CMIP: variants seen among roughly 807,000 people sequenced by gnomAD.
CMIP encodes C-Maf-inducing protein.
In CMIP, 13 loss-of-function variants were observed where a neutral mutation model predicts 97.3. The ratio of observed to expected loss-of-function variants is 0.13; its 90% CI spans 0.09 to 0.21. The LOEUF (loss-of-function observed/expected upper bound fraction) is 0.21, where lower values mean the gene tolerates loss of function less well. Among genes scored for constraint, CMIP ranks in the 10% least tolerant of loss-of-function variants. The probability of loss-of-function intolerance (pLI) is 1.00; values close to 1 mark genes in which losing one functional copy is unlikely to be tolerated. For missense variants in CMIP, 847 were observed against 1,024.9 expected (o/e 0.83, Z 2.37); for synonymous variants, 538 against 436.3 (o/e 1.23, Z -2.91).
intron 13 of CMIP, among the ~76,000 whole-genome samples, chr16:81,694,333 CAGA>C (rs1164578022): frequency 6.6e-6 from 1 of 152,164 alleles, no homozygotes; most frequent in African/African-American, 2.4e-5. Flanking sequence ...GTGCTCCCGG[CAGA>C]ACAGGGGGAA....
chr16:81,504,218 T>C (rs2089663073), intron 1 of CMIP, among the ~76,000 whole-genome samples: 1 of 151,428 alleles, frequency 6.6e-6, no homozygotes, highest in Non-Finnish European at 1.5e-5. Context: ...CCCAAGTACT[T>C]GGGAGGCTGA....
At chr16:81,658,437 T>C (rs1597207854) in intron 5 of CMIP, among the ~76,000 whole-genome samples, 1 of 152,200 alleles carries the variant, frequency 6.6e-6, no homozygotes, top group African/African-American at 2.4e-5. Flanking sequence ...TCATCATCTA[T>C]TGTAGGAAGA....
At chr16:81,593,622 T>G (rs906401670) in intron 1 of CMIP, among the ~76,000 whole-genome samples, 2 of 152,188 alleles carry the variant, frequency 1.3e-5, no homozygotes, top group Admixed American at 1.3e-4. Flanking sequence ...TTGTTGAGGC[T>G]TGAAAGTAAT....
chr16:81,614,466 G>A lies in CMIP; in HGVS notation c.427-6410G>A, dbSNP rs187945924. Among the ~76,000 whole-genome samples, 2 of 152,318 alleles carry A rather than the reference G, an allele frequency of 1.3e-5. No homozygotes were observed. Among genetic ancestry groups the A allele is most frequent in the East Asian group, 1.9e-4 (1 of 5,184 alleles). On this transcript the variant is annotated intron_variant, in intron 2 of 20. Coordinates refer to ENST00000537098, the MANE Select transcript of CMIP (RefSeq NM_198390.3). This position sits in a 1 kb window ranked among gnomAD's most constrained non-coding sequence, Gnocchi z 5.3. The stretch of plus-strand genomic sequence containing the variant: ...CCTGTGTGCTTGCCAGGAGCCCGGA[G>A]GGAAGAGACCTGGAAATGACACAAA...
At chr16:81,550,249 G>C (rs932246283) in intron 1 of CMIP, among the ~76,000 whole-genome samples, 1 of 152,222 alleles carries the variant, frequency 6.6e-6, no homozygotes, top group African/African-American at 2.4e-5. Flanking sequence ...GGTCATGCAA[G>C]CTCTCTGAGC....
chr16:81,620,111 C>A (rs2091973327), intron 2 of CMIP: 1 of 152,198 alleles, frequency 6.6e-6, no homozygotes, highest in African/African-American at 2.4e-5. Context: ...AATTTCTGGT[C>A]TTTAAAACAT....
chr16:81,536,595 T>G (rs1313196361), intron 1 of CMIP, among the ~76,000 whole-genome samples: 1 of 152,138 alleles, frequency 6.6e-6, no homozygotes, highest in African/African-American at 2.4e-5. Flanking sequence ...AAATGCAGAA[T>G]TAGGGTTGGC....
At chr16:81,532,530 G>T (rs1057168032) in intron 1 of CMIP, among the ~76,000 whole-genome samples, 1 of 152,120 alleles carries the variant, frequency 6.6e-6, no homozygotes, top group African/African-American at 2.4e-5. Flanking sequence ...AGGGACTAGC[G>T]CTGTTGCCCT....
intron 3 of CMIP, among the ~76,000 whole-genome samples, chr16:81,626,810 T>TG (rs1249703827): frequency 7.2e-5 from 8 of 110,702 alleles, no homozygotes; most frequent in Non-Finnish European, 1.5e-4. Context: ...TGTGTGTGTG[T>TG]GTGTGTGGGG....
rs1019611645 is a variant in CMIP, at chr16:81,616,808, G to C, written c.427-4068G>C. ...TGATGTGTAGCAGTGTCTGTGGTCA[G>C]TGGCTCTGAAGAAATCCGTCCCAGG... On this transcript the variant is annotated intron_variant, in intron 2 of 20. Transcript: ENST00000537098. The surrounding 1 kb of genome is among the most constrained non-coding windows in gnomAD (Gnocchi z 4.7). Among the ~76,000 whole-genome samples, 20 of 152,270 alleles carry C rather than the reference G, an allele frequency of 1.3e-4. No individual in the cohort carries two copies. In the East Asian group the frequency reaches 3.1e-3, roughly 23 times the overall value.
intron 1 of CMIP, among the ~76,000 whole-genome samples, chr16:81,544,352 G>C (rs997321370): frequency 2.0e-5 from 3 of 152,234 alleles, no homozygotes; most frequent in African/African-American, 4.8e-5. Flanking sequence ...TTGGTGCTAT[G>C]TGTGTGGCGT....
chr16:81,654,470 G>A (rs959046118), intron 4 of CMIP, among the ~76,000 whole-genome samples: 2 of 152,216 alleles, frequency 1.3e-5, no homozygotes, highest in African/African-American at 4.8e-5. Context: ...GATATTTAAA[G>A]TAGGAAAATG....
rs115330567 is a variant in CMIP, at chr16:81,706,466, A to G, written c.2198-548A>G. ...TCGGCCAGTTTGGCTGCAAATGCAGATGCGCTGCTTCCACTGGAGTCCCCC... is the reference window on the plus strand; with the variant it reads ...TCGGCCAGTTTGGCTGCAAATGCAGGTGCGCTGCTTCCACTGGAGTCCCCC... On this transcript the variant is annotated intron_variant, in intron 19 of 20. Coordinates refer to ENST00000537098, the MANE Select transcript of CMIP (RefSeq NM_198390.3). Among the ~76,000 whole-genome samples the G allele has an allele frequency of 3.0e-3, 454 of 152,324 alleles. 2 individuals are homozygous for G. The highest frequency in any genetic ancestry group is 0.011 in the African/African-American group (442 of 41,574).
At chr16:81,664,239 C>G (rs576740527) in intron 6 of CMIP, 30 bp from the exon 7 acceptor site, 1 of 1,565,414 alleles carries the variant, frequency 6.4e-7, no homozygotes, top group African/African-American at 1.4e-5. Context: ...TTCTTAGGGC[C>G]GCAGTAACTG....
At chr16:81,528,863 G>A (rs1020147054) in intron 1 of CMIP, among the ~76,000 whole-genome samples, 5 of 152,062 alleles carry the variant, frequency 3.3e-5, no homozygotes, top group South Asian at 2.1e-4. Context: ...TTTGGTGAGC[G>A]CGATTTTTTT....
At chr16:81,677,625 G>A (rs573802092) in intron 9 of CMIP, among the ~76,000 whole-genome samples, 1 of 152,222 alleles carries the variant, frequency 6.6e-6, no homozygotes, top group African/African-American at 2.4e-5. Flanking sequence ...ACAAATGTGA[G>A]ATTAATAATG....
chr16:81,506,710 C>G (rs759669497), intron 1 of CMIP, among the ~76,000 whole-genome samples: 1 of 152,140 alleles, frequency 6.6e-6, no homozygotes, highest in Non-Finnish European at 1.5e-5. Flanking sequence ...GTCAGGAGTT[C>G]GAGACCAGCC....
At chr16:81,683,265 C>T (rs372502594) in intron 10 of CMIP, among the ~76,000 whole-genome samples, 6 of 152,268 alleles carry the variant, frequency 3.9e-5, no homozygotes, top group South Asian at 4.1e-4. Flanking sequence ...GGGTAGGACG[C>T]GCTTCTGATT....
At chr16:81,477,746 T>TAGGGCCC (rs1008628483) in intron 1 of CMIP, among the ~76,000 whole-genome samples, 1 of 152,234 alleles carries the variant, frequency 6.6e-6, no homozygotes, top group Non-Finnish European at 1.5e-5. Context: ...TTTGAGGGCC[T>TAGGGCCC]AGGGCCCCTC....
Sources: gnomAD v4.1 joint callset for allele counts (sites outside exome capture counted in the v4.1 genomes callset) on GRCh38, gnomAD v4.1.1 for gene constraint, Gnocchi (gnomAD v3.1) non-coding constraint, MANE v1.5 for transcripts, NCBI Gene and HGNC (gene_info 2026-07-23, HGNC 2026-07-21) for gene names.